The following AMBRA1 variants were observed in gnomAD, a reference collection of about 807,000 sequenced individuals.
AMBRA1 encodes activating molecule in BECN1-regulated autophagy protein 1.
AMBRA1 carries 47 observed loss-of-function variants against 125.4 expected under a neutral mutation model. The ratio of observed to expected loss-of-function variants is 0.37; its 90% CI spans 0.30 to 0.48. AMBRA1 has a LOEUF of 0.48. Among genes scored for constraint, AMBRA1 ranks in the 20% least tolerant of loss-of-function variants. AMBRA1 has a pLI of 0.99. For synonymous variants in AMBRA1, 626 were observed against 655.5 expected, an observed-to-expected ratio of 0.95 and a Z score of 0.69; for missense variants, 1,331 against 1,693.4, an observed-to-expected ratio of 0.79 and a Z score of 3.76.
At chr11:46,549,248 TAAGCCTGATAAAATGGTATTTC>T (rs2135193795) in intron 1 of AMBRA1, among the ~76,000 whole-genome samples, 1 of 152,360 alleles carries the variant, frequency 6.6e-6, no homozygotes, top group African/African-American at 2.4e-5. Context: ...ATGGACTATG[TAAGCCTGATAAAATGGTATTTC>T]AAAAGAATAT....
In AMBRA1 at chr11:46,548,494, T is replaced by C. The variant is rs1277202731; in HGVS notation, c.-114A>G. 3 of 1,332,042 alleles carry C rather than the reference T, an allele frequency of 2.3e-6. No homozygotes were observed. The highest frequency in any genetic ancestry group is 3.1e-5 in the South Asian group (2 of 65,308). 82.5% of individuals were successfully genotyped at this position (1,332,042 alleles called of 1,614,324 possible). On this transcript the variant is annotated 5_prime_UTR_variant, in exon 2 of 18. An upstream start codon of the reference 5' UTR is lost. Transcript: ENST00000683756. ...TACAGGTCCTTGTAAGTTGTCCTCA[T>C]GGAAATCTTAAGGAACAAAGAATAA...
chr11:46,438,520 A>T (rs1947839094), intron 12 of AMBRA1, among the ~76,000 whole-genome samples: 1 of 152,222 alleles, frequency 6.6e-6, no homozygotes, highest in Non-Finnish European at 1.5e-5. Flanking sequence ...TGCCTTTGCA[A>T]ATGCATTAGA....
At chr11:46,482,958 G>A (rs1423503449) in intron 11 of AMBRA1, among the ~76,000 whole-genome samples, 2 of 150,378 alleles carry the variant, frequency 1.3e-5, no homozygotes, top group Non-Finnish European at 1.5e-5. Context: ...GCAGTGAGCC[G>A]AGACCATGCC....
rs1413855575 is a variant in AMBRA1 at position 46,542,800 on chromosome 11, T to C, written c.1217A>G (p.Tyr406Cys). The change falls in exon 7 of 18, where the codon TAT becomes TGT. Residue 406 changes from tyrosine (Y) to cysteine (C), a missense_variant. Physicochemically the swap from Tyr to Cys is radical, Grantham distance 194. This residue lies in a region of AMBRA1 where 689 missense variants were observed against 776.5 expected (regional missense o/e 0.89). Coordinates refer to ENST00000683756, the MANE Select transcript of AMBRA1 (RefSeq NM_001387011.1). This position sits in a 1 kb window ranked among gnomAD's most constrained non-coding sequence, Gnocchi z 5.9. ...CAACCCAGGAGCTATTTCTCGGTGA[T>C]ACCTAGAAGGGTGGCTAGACAGAGG... ...GGPLSSHPSRYHREIAPGLTG... is the reference protein window; with the variant it reads ...GGPLSSHPSRCHREIAPGLTG... The C allele has an allele frequency of 1.2e-6, 2 of 1,613,826 alleles. No individual in the cohort carries two copies. Among genetic ancestry groups the C allele is most frequent in the Non-Finnish European group, 1.7e-6 (2 of 1,179,990 alleles).
At chr11:46,417,343 C>G (rs940925254) in intron 15 of AMBRA1, among the ~76,000 whole-genome samples, 5 of 152,150 alleles carry the variant, frequency 3.3e-5, no homozygotes, top group African/African-American at 9.7e-5. Context: ...AGCCACTGTG[C>G]CCAGCCCCAA....
At chr11:46,554,849 T>C (rs896560222) in intron 1 of AMBRA1, among the ~76,000 whole-genome samples, 5 of 152,184 alleles carry the variant, frequency 3.3e-5, no homozygotes, top group African/African-American at 1.2e-4. Context: ...CAATAGTCTT[T>C]GTGATACCGT....
chr11:46,575,656 A>G (rs1196323992), intron 1 of AMBRA1, among the ~76,000 whole-genome samples: 2 of 151,738 alleles, frequency 1.3e-5, no homozygotes, highest in Non-Finnish European at 2.9e-5. Context: ...AGCTGGGAAT[A>G]CAAGTGCACG....
intron 15 of AMBRA1, among the ~76,000 whole-genome samples, chr11:46,416,935 C>G (rs897092680): frequency 6.6e-6 from 1 of 152,226 alleles, no homozygotes; most frequent in Non-Finnish European, 1.5e-5. Context: ...CCTGGAGAAA[C>G]TCTGACCTCC....
intron 11 of AMBRA1, among the ~76,000 whole-genome samples, chr11:46,454,579 C>CAAA (rs777518872): frequency 1.8e-4 from 9 of 50,492 alleles, no homozygotes; most frequent in African/African-American, 3.3e-4. Context: ...ACTAAAAATA[C>CAAA]AAAAAAAAAA....
intron 11 of AMBRA1, among the ~76,000 whole-genome samples, chr11:46,471,209 G>A (rs567388076): frequency 9.9e-5 from 15 of 151,798 alleles, no homozygotes; most frequent in Non-Finnish European, 1.8e-4. Context: ...TGGGAGGCTC[G>A]GGCGGGCGGA....
intron 7 of AMBRA1, among the ~76,000 whole-genome samples, chr11:46,524,749 A>G (rs1258800779): frequency 6.6e-6 from 1 of 152,214 alleles, no homozygotes; most frequent in Non-Finnish European, 1.5e-5. Context: ...TGCAGGGAAT[A>G]TGATGCCCTC....
intron 1 of AMBRA1, among the ~76,000 whole-genome samples, chr11:46,559,582 T>C (rs2043264520): frequency 6.6e-6 from 1 of 152,166 alleles, no homozygotes; most frequent in Non-Finnish European, 1.5e-5. Flanking sequence ...GAGATGAGAA[T>C]ATGGGATATT....
At position 46,565,286 on chromosome 11, in the gene AMBRA1, A is replaced by C. The variant is rs151059453; in HGVS notation, c.-120-16786T>G. Among the ~76,000 whole-genome samples the C allele has an allele frequency of 4.1e-3, 631 of 152,052 alleles. 3 individuals carry two copies. The highest frequency in any genetic ancestry group is 0.013 in the African/African-American group (529 of 41,478). On this transcript the variant is annotated intron_variant, in intron 1 of 17. Coordinates refer to ENST00000683756, the MANE Select transcript of AMBRA1 (RefSeq NM_001387011.1). ...AAAAAAACGAAAAGGAAAAAGAACC[A>C]CATAATTTGTCATTTTACTTCTGTT... is the stretch of plus-strand genomic sequence containing the variant.
intron 1 of AMBRA1, among the ~76,000 whole-genome samples, chr11:46,590,884 G>A (rs1416367407): frequency 6.7e-6 from 1 of 149,434 alleles, no homozygotes; most frequent in Non-Finnish European, 1.5e-5. Context: ...CTGCACTCAA[G>A]CCTGGGCGGC....
intron 4 of AMBRA1, chr11:46,546,032 TC>T (rs1591083821): frequency 1.1e-5 from 3 of 266,910 alleles, no homozygotes; most frequent in East Asian, 7.5e-5. Context: ...AGTTCCTATT[TC>T]TTTTTTTTTT....
intron 14 of AMBRA1, among the ~76,000 whole-genome samples, chr11:46,425,310 TTGTGTGTGTGTGTGTGTGTG>T (rs34321655): frequency 2.2e-5 from 3 of 135,592 alleles, no homozygotes; most frequent in South Asian, 4.7e-4. Flanking sequence ...CTTGATCCAT[TTGTGTGTGTGTGTGTGTGTG>T]TGTGTGTGTG....
chr11:46,417,768 G>C (rs1041806023), intron 15 of AMBRA1, 145 bp downstream of exon 15: 41 of 911,898 alleles, frequency 4.5e-5, no homozygotes, highest in Middle Eastern at 3.1e-4. Context: ...TGTGGGAAGA[G>C]GGCCCTTTAA....
At position 46,434,990 on chromosome 11, in the gene AMBRA1, T is replaced by C; in HGVS notation, c.2680A>G (p.Ser894Gly). The change falls in exon 13 of 18, where the codon AGC (serine) becomes GGC (glycine). Residue 894 changes from serine (S) to glycine (G), a missense_variant. Ser to Gly is a moderately conservative substitution (Grantham distance 56). Coordinates refer to ENST00000683756, the MANE Select transcript of AMBRA1 (RefSeq NM_001387011.1). ...TGGCCATCTGCAGAAATGTCACAGC[T>C]GGCATCATTGTAGATCTTGCAGTTC... ...VQNCKIYNDA[S>G]CDISADGQLL... 1 of 1,613,746 alleles carries C rather than the reference T, an allele frequency of 6.2e-7. No individual in the cohort carries two copies. The highest frequency in any genetic ancestry group is 8.5e-7 in the Non-Finnish European group (1 of 1,179,852).
intron 11 of AMBRA1, among the ~76,000 whole-genome samples, chr11:46,460,179 A>G (rs1355509077): frequency 1.3e-5 from 2 of 152,254 alleles, no homozygotes; most frequent in African/African-American, 4.8e-5. Context: ...GGGAACAGAC[A>G]ACAAGACATA....
Sources: gnomAD v4.1 joint callset for allele counts (sites outside exome capture counted in the v4.1 genomes callset) on GRCh38, gnomAD v4.1.1 for gene constraint, gnomAD v4.1.1 regional missense constraint, Gnocchi (gnomAD v3.1) non-coding constraint, MANE v1.5 for transcripts, NCBI Gene and HGNC (gene_info 2026-07-23, HGNC 2026-07-21) for gene names.